Variants in HELB observed in about 807,000 individuals in gnomAD.
HELB encodes the protein DNA helicase B, also known as DNA 5'-3' helicase B.
Under a neutral mutation model 101.7 loss-of-function variants are expected in HELB, and 96 were observed. The ratio of observed to expected loss-of-function variants is 0.94; its 90% CI spans 0.80 to 1.12. The LOEUF (loss-of-function observed/expected upper bound fraction) is 1.12. Ranked by LOEUF, HELB falls within the 50% of genes most tolerant of loss-of-function variation. The probability of loss-of-function intolerance (pLI) is 0.00; values close to 1 mark genes in which losing one functional copy is unlikely to be tolerated. For missense variants in HELB, 1,210 were observed against 1,291.9 expected (o/e 0.94, Z 0.97); for synonymous variants, 437 against 459.7 (o/e 0.95, Z 0.63).
chr12:66,340,609 TGG>T (rs71096095), downstream of HELB: 58 of 129,350 alleles, frequency 4.5e-4, no homozygotes, highest in South Asian at 7.6e-4. Flanking sequence ...TATATATATG[TGG>T]GGGGGGGGCG....
chr12:66,309,392 A>G (rs762454669), intron 3 of HELB, among the ~76,000 whole-genome samples: 5 of 152,320 alleles, frequency 3.3e-5, no homozygotes, highest in African/African-American at 9.6e-5. Context: ...AGAAATAACT[A>G]AAGTGTTGGA....
At chr12:66,304,642 T>G in intron 1 of HELB, 89 bp from the exon 2 acceptor site, 2 of 1,186,888 alleles carry the variant, frequency 1.7e-6, no homozygotes, top group Non-Finnish European at 2.4e-6. Context: ...AGATTAAAGA[T>G]AGTGGTAAGT....
rs780523900 is a variant in HELB, at chr12:66,322,821, CCTT to C, written c.2297+43_2297+45del. 15 of 1,394,734 alleles carry C rather than the reference CCTT, an allele frequency of 1.1e-5. No homozygotes were observed. The African/African-American group carries it at 1.2e-4, about 11-fold the overall frequency. The allele number at this position is 1,394,734 out of a possible 1,614,324, so 86.4% of individuals were successfully genotyped here. On this transcript the variant is annotated intron_variant, in intron 9 of 12. Transcript: ENST00000247815. Reference sequence around the variant, plus strand: ...GAGAACTGAAACTTTTAAGGACAGTCCTTCTTCGATTTGCTGGTTTTTTTTTTT... The same window carrying C: ...GAGAACTGAAACTTTTAAGGACAGTCCTTCGATTTGCTGGTTTTTTTTTTT...
downstream of HELB, chr12:66,342,702 C>CTT (rs34430491): frequency 0.02 from 2,991 of 146,928 alleles, 37 homozygotes; most frequent in Middle Eastern, 0.063. Context: ...TTTTCTTTTT[C>CTT]TTTTTTTTTT....
At position 66,322,156 on chromosome 12, in the gene HELB, G is replaced by A. The variant is rs1287968203; in HGVS notation, c.2237+127G>A. ...CTGTTAATTCTCTTTCTTATTTTGG[G>A]GTATGTCTTTGTTAGACATGGCAGA... On this transcript the variant is annotated intron_variant, in intron 8 of 12. Coordinates refer to ENST00000247815, the MANE Select transcript of HELB (RefSeq NM_001370285.1). 2.6e-5 allele frequency: 14 copies of A among 541,100 alleles called. No homozygotes were observed. The East Asian group carries it at 4.3e-4, about 16-fold the overall frequency. The allele number at this position is 541,100 out of a possible 1,614,324, so 33.5% of individuals were successfully genotyped here. A position where few individuals can be genotyped will look rare whatever the true frequency, so the allele number is the denominator to read the frequency against.
intron 5 of HELB, 64 bp downstream of exon 5, chr12:66,314,227 T>C: frequency 1.4e-6 from 2 of 1,410,864 alleles, no homozygotes; most frequent in Non-Finnish European, 1.9e-6. Context: ...GTTGGTTGTT[T>C]ACACCATTTA....
At chr12:66,337,887 AG>A (rs1348921167) in intron 12 of HELB, 113 bp from the exon 13 acceptor site, 2 of 634,416 alleles carry the variant, frequency 3.2e-6, no homozygotes, top group African/African-American at 1.8e-5. Flanking sequence ...AAGCCTTTCA[AG>A]GGTTGGGGAA....
chr12:66,309,824 C>T lies in HELB; in HGVS notation c.896C>T (p.Ser299Phe), dbSNP rs2136991252. Reference protein sequence around the residue: ...DLEKNALIMYSRLKQICREDG... With the variant: ...DLEKNALIMYFRLKQICREDG... ...GAGAAGAATGCATTAATAATGTATTCCAGACTGAAGCAGATATGTAGAGAA... is the reference window on the plus strand; with the variant it reads ...GAGAAGAATGCATTAATAATGTATTTCAGACTGAAGCAGATATGTAGAGAA... The change falls in exon 4 of 13, where the codon TCC becomes TTC. Residue 299 changes from serine (S) to phenylalanine (F), a missense_variant. By Grantham distance (155) the Ser-to-Phe change is radical. This residue lies in a region of HELB where 470 missense variants were observed against 563.1 expected (regional missense o/e 0.83). Coordinates refer to ENST00000247815, the MANE Select transcript of HELB (RefSeq NM_001370285.1). 1 of 1,614,004 alleles carries T rather than the reference C, an allele frequency of 6.2e-7. No homozygotes were observed. The highest frequency in any genetic ancestry group is 8.5e-7 in the Non-Finnish European group (1 of 1,179,888).
chr12:66,308,841 G>A (rs1280220678), intron 3 of HELB, among the ~76,000 whole-genome samples: 1 of 152,078 alleles, frequency 6.6e-6, no homozygotes, highest in East Asian at 1.9e-4. Flanking sequence ...ACATTCTGAG[G>A]ATATTGGGGG....
At chr12:66,329,576 A>C (rs1377023310) in intron 11 of HELB, among the ~76,000 whole-genome samples, 1 of 152,138 alleles carries the variant, frequency 6.6e-6, no homozygotes, top group Non-Finnish European at 1.5e-5. Flanking sequence ...CAAACACATT[A>C]AGGGGTTAGG....
chr12:66,313,959 T>A, intron 4 of HELB, 27 bp from the exon 5 acceptor site: 1 of 1,607,814 alleles, frequency 6.2e-7, no homozygotes. Flanking sequence ...ATAACCTGAC[T>A]TTAGGAATGC....
At position 66,309,954 on chromosome 12, in the gene HELB, T is replaced by G; in HGVS notation, c.1026T>G (p.Gly342=). Reference sequence around the variant, plus strand: ...CTCTGAAGTTTTTGAAGGATATTGGTGTGGTGACATATGAGAAGTCCTGTG... The same window carrying G: ...CTCTGAAGTTTTTGAAGGATATTGGGGTGGTGACATATGAGAAGTCCTGTG... ...SESLKFLKDI[G]VVTYEKSCVF... Residue 342 remains glycine, a synonymous_variant, in exon 4 of 13, where the codon GGT becomes GGG. Transcript: ENST00000247815. 1 of 1,614,270 alleles carries G rather than the reference T, an allele frequency of 6.2e-7. No homozygotes were observed. Among genetic ancestry groups the G allele is most frequent in the Non-Finnish European group, 8.5e-7 (1 of 1,180,038 alleles).
At chr12:66,315,218 C>T in intron 5 of HELB, 24 bp from the exon 6 acceptor site, 1 of 1,511,442 alleles carries the variant, frequency 6.6e-7, no homozygotes, top group South Asian at 1.3e-5. Flanking sequence ...GTAAGTCTTG[C>T]TACTGTATCT....
chr12:66,336,064 C>T (rs1399285234), intron 12 of HELB, among the ~76,000 whole-genome samples: 1 of 152,158 alleles, frequency 6.6e-6, no homozygotes, highest in African/African-American at 2.4e-5. Context: ...AATTGCTGTT[C>T]ACATGGTAAT....
At chr12:66,332,046 C>T (rs533046489) in intron 12 of HELB, among the ~76,000 whole-genome samples, 29 of 152,296 alleles carry the variant, frequency 1.9e-4, no homozygotes, top group Admixed American at 4.6e-4. Flanking sequence ...TGGAGACAGT[C>T]GGCTATCAGT....
chr12:66,337,861 A>T, intron 12 of HELB, 140 bp from the exon 13 acceptor site: 1 of 599,810 alleles, frequency 1.7e-6, no homozygotes, highest in Non-Finnish European at 2.9e-6. Context: ...CTGATAGCCA[A>T]TTGCTTTGGT....
At chr12:66,334,993 GA>G (rs954552560) in intron 12 of HELB, among the ~76,000 whole-genome samples, 2 of 152,076 alleles carry the variant, frequency 1.3e-5, no homozygotes, top group African/African-American at 4.8e-5. Context: ...TAGATGTGAT[GA>G]GGTAAAAGAG....
chr12:66,316,091 C>T (rs561546318), intron 6 of HELB, among the ~76,000 whole-genome samples: 129 of 152,260 alleles, frequency 8.5e-4, no homozygotes, highest in African/African-American at 3.0e-3. Flanking sequence ...AATATGTTTA[C>T]ATACACACAA....
At chr12:66,333,208 A>T (rs2053828563) in intron 12 of HELB, among the ~76,000 whole-genome samples, 1 of 152,158 alleles carries the variant, frequency 6.6e-6, no homozygotes. Flanking sequence ...AGGATGAAAA[A>T]CAAGGCAAGG....
Sources: gnomAD v4.1 joint callset for allele counts (sites outside exome capture counted in the v4.1 genomes callset) on GRCh38, gnomAD v4.1.1 for gene constraint, gnomAD v4.1.1 regional missense constraint, MANE v1.5 for transcripts, NCBI Gene and HGNC (gene_info 2026-07-23, HGNC 2026-07-21) for gene names.